The following DGKG variants were observed in gnomAD, a reference collection of about 807,000 sequenced individuals.
The protein encoded by DGKG is diacylglycerol kinase gamma, also known as DAG kinase gamma.
In DGKG, 78 loss-of-function variants were observed where a neutral mutation model predicts 105.3. The ratio of observed to expected loss-of-function variants is 0.74; its 90% CI spans 0.62 to 0.89. DGKG has a LOEUF of 0.89. DGKG is among the 40% of genes least tolerant of loss of function. The pLI is 0.00. For synonymous variants in DGKG, 346 were observed against 367.1 expected (o/e 0.94, Z 0.66); for missense variants, 958 against 1,020.1 (o/e 0.94, Z 0.83).
chr3:186,188,817 A>G (rs1381428069), intron 21 of DGKG, among the ~76,000 whole-genome samples: 1 of 151,984 alleles, frequency 6.6e-6, no homozygotes, highest in Non-Finnish European at 1.5e-5. Flanking sequence ...ATTTTCATAT[A>G]TATATATATT....
At chr3:186,189,470 C>G (rs1717802073) in intron 21 of DGKG, among the ~76,000 whole-genome samples, 1 of 152,176 alleles carries the variant, frequency 6.6e-6, no homozygotes, top group Non-Finnish European at 1.5e-5. Flanking sequence ...GAGACTTGAG[C>G]TAAGTTATCC....
Position 186,148,429 on chromosome 3 carries a change from G to T in DGKG, c.*1661C>A. ...TCAGACCAACTTCTTTTCCATTCAG[G>T]TCAGAGAGAACCTCTGGGAAGCAGC... On this transcript the variant is annotated 3_prime_UTR_variant, in exon 25 of 25. Transcript: ENST00000265022. The T allele has an allele frequency of 1.0e-6, 1 of 985,354 alleles. No homozygotes were observed. Among genetic ancestry groups the T allele is most frequent in the Non-Finnish European group, 1.2e-6 (1 of 829,940 alleles). The allele number at this position is 985,354 out of a possible 1,614,324, so 61.0% of individuals were successfully genotyped here.
At chr3:186,353,705 T>TCTATATCTA (rs1553825822) in intron 1 of DGKG, among the ~76,000 whole-genome samples, 18 of 114,924 alleles carry the variant, frequency 1.6e-4, no homozygotes, top group East Asian at 1.1e-3. Context: ...TATATCTATA[T>TCTATATCTA]AACAGTGGAC....
At chr3:186,194,762 T>C (rs1307506288) in intron 21 of DGKG, among the ~76,000 whole-genome samples, 2 of 137,922 alleles carry the variant, frequency 1.5e-5, no homozygotes, top group African/African-American at 5.2e-5. Context: ...CACTGAGTTA[T>C]TGTCCCTCCC....
At chr3:186,247,307 G>A (rs1161600469) in intron 19 of DGKG, among the ~76,000 whole-genome samples, 1 of 152,106 alleles carries the variant, frequency 6.6e-6, no homozygotes, top group Non-Finnish European at 1.5e-5. Context: ...TGGCATCAAG[G>A]GGTCTCAGTA....
At chr3:186,267,243 C>A (rs977394165) in intron 13 of DGKG, among the ~76,000 whole-genome samples, 1 of 152,144 alleles carries the variant, frequency 6.6e-6, no homozygotes, top group South Asian at 2.1e-4. Context: ...CTGTGCTCTG[C>A]CTGCAAAAGG....
chr3:186,314,898 G>A (rs1724742538), intron 2 of DGKG, among the ~76,000 whole-genome samples: 2 of 151,886 alleles, frequency 1.3e-5, no homozygotes, highest in Non-Finnish European at 2.9e-5. Context: ...CTGAATAAAT[G>A]AATAGTTTCT....
At chr3:186,319,318 G>C (rs1724968250) in intron 2 of DGKG, among the ~76,000 whole-genome samples, 1 of 152,132 alleles carries the variant, frequency 6.6e-6, no homozygotes, top group Non-Finnish European at 1.5e-5. Flanking sequence ...CCATTGTATA[G>C]AAGAGGTTGC....
intron 7 of DGKG, among the ~76,000 whole-genome samples, chr3:186,283,728 A>C (rs1303988068): frequency 6.6e-6 from 1 of 152,224 alleles, no homozygotes; most frequent in African/African-American, 2.4e-5. Flanking sequence ...ATATGTGTTG[A>C]CCAAATGCTT....
chr3:186,275,957 T>G (rs947175310), intron 9 of DGKG, among the ~76,000 whole-genome samples: 1 of 138,424 alleles, frequency 7.2e-6, no homozygotes, highest in African/African-American at 2.7e-5. Context: ...TCTATCTATC[T>G]ATCTATCTAT....
chr3:186,286,375 C>G (rs1723071370), intron 6 of DGKG, among the ~76,000 whole-genome samples: 1 of 152,200 alleles, frequency 6.6e-6, no homozygotes, highest in South Asian at 2.1e-4. Context: ...TGACCTCTCT[C>G]TGGTCCTATT....
chr3:186,175,395 C>T (rs1717025051), intron 22 of DGKG, among the ~76,000 whole-genome samples: 1 of 152,162 alleles, frequency 6.6e-6, no homozygotes, highest in African/African-American at 2.4e-5. Flanking sequence ...AAAAATGTGT[C>T]CTCCATTCTG....
chr3:186,230,664 G>C (rs1308594482), intron 20 of DGKG, among the ~76,000 whole-genome samples: 1 of 152,206 alleles, frequency 6.6e-6, no homozygotes, highest in Non-Finnish European at 1.5e-5. Context: ...GGGTGGGCCT[G>C]AATGGGAAGG....
At chr3:186,295,502 A>AAATAATAAT (rs56221168) in intron 5 of DGKG, among the ~76,000 whole-genome samples, 51 of 145,378 alleles carry the variant, frequency 3.5e-4, no homozygotes, top group African/African-American at 1.3e-3. Context: ...CTCCGTCTCA[A>AAATAATAAT]AATAATAATA....
chr3:186,165,043 G>C (rs768195339), intron 22 of DGKG, 25 bp from the exon 23 acceptor site: 1 of 1,605,568 alleles, frequency 6.2e-7, no homozygotes, highest in Non-Finnish European at 8.5e-7. Flanking sequence ...AGCAAAAGTA[G>C]TGCATACACA....
chr3:186,207,725 G>A (rs1163571979), intron 21 of DGKG, among the ~76,000 whole-genome samples: 1 of 152,208 alleles, frequency 6.6e-6, no homozygotes, highest in East Asian at 1.9e-4. Flanking sequence ...CCCTGGCCAT[G>A]TGTCTACAGG....
intron 1 of DGKG, among the ~76,000 whole-genome samples, chr3:186,355,194 A>ACTCCCCACACAACTACCATCACCGC (rs1726852854): frequency 7.1e-4 from 41 of 57,852 alleles, no homozygotes; most frequent in African/African-American, 1.8e-3. Flanking sequence ...ACCACCATCA[A>ACTCCCCACACAACTACCATCACCGC]TACCACCACC....
Position 186,225,629 on chromosome 3 carries a change from G to A in DGKG, c.1827-13744C>T, listed in dbSNP as rs537265480. 1.2e-4 allele frequency among the ~76,000 whole-genome samples: 18 copies of A among 152,138 alleles called. No homozygotes were observed. The South Asian group carries it at 2.5e-3, about 21-fold the overall frequency. On this transcript the variant is annotated intron_variant, in intron 20 of 24. Transcript: ENST00000265022. The stretch of plus-strand genomic sequence containing the variant: ...ATTGCTTTCCAACCTGGCAATGATC[G>A]ACGGCCACTGAGAACTGGCTGCTCC...
Position 186,288,817 on chromosome 3 carries a change from G to T in DGKG, c.437C>A (p.Pro146His), listed in dbSNP as rs768345466. 12 of 1,611,336 alleles carry T rather than the reference G, an allele frequency of 7.4e-6. No individual in the cohort carries two copies. Among genetic ancestry groups the T allele is most frequent in the Non-Finnish European group, 1.0e-5 (12 of 1,178,742 alleles). ...CGAGCTTGAAGACCGAGGGACGGGGGGTTCCAGGGGGGTCGCAGCCACTTG... is the reference window on the plus strand; with the variant it reads ...CGAGCTTGAAGACCGAGGGACGGGGTGTTCCAGGGGGGTCGCAGCCACTTG... ...EDQVAATPLE[P>H]PVPRSSSSES... The change falls in exon 6 of 25, where the codon CCC becomes CAC. Residue 146 changes from proline to histidine, a missense_variant. Transcript: ENST00000265022.
Sources: gnomAD v4.1 joint callset for allele counts (sites outside exome capture counted in the v4.1 genomes callset) on GRCh38, gnomAD v4.1.1 for gene constraint, MANE v1.5 for transcripts, NCBI Gene and HGNC (gene_info 2026-07-23, HGNC 2026-07-21) for gene names.